RASA1: variants seen among roughly 807,000 people sequenced by gnomAD.
RASA1 encodes RAS p21 protein activator 1, also known as ras GTPase-activating protein 1.
In RASA1, 25 loss-of-function variants were observed where a neutral mutation model predicts 132.2. That is an observed-to-expected ratio of 0.19 (90% CI 0.14 to 0.26). The LOEUF (loss-of-function observed/expected upper bound fraction) is 0.26, where lower values mean the gene tolerates loss of function less well. Ranked by LOEUF, RASA1 falls within the 10% of genes least tolerant of loss-of-function variation. The pLI is 1.00. For synonymous variants in RASA1, 477 were observed against 449.9 expected, an observed-to-expected ratio of 1.06 and a Z score of -0.76; for missense variants, 964 against 1,299.2, an observed-to-expected ratio of 0.74 and a Z score of 3.97.
chr5:87,338,926 A>G (rs370095868), intron 5 of RASA1, among the ~76,000 whole-genome samples: 12 of 152,090 alleles, frequency 7.9e-5, no homozygotes, highest in Middle Eastern at 3.2e-3. Context: ...CATGGTATCA[A>G]TTACCAGGTG....
Position 87,362,534 on chromosome 5 carries a change from T to G in RASA1, c.1333-17T>G. ...TCAAGAATGTATGAAATAATTTTAA[T>G]GTTTTTTAAAATTCAGGATCAAGAA... On this transcript the variant is annotated splice_polypyrimidine_tract_variant and intron_variant, in intron 9 of 24. Transcript: ENST00000274376. 1 of 1,578,470 alleles carries G rather than the reference T, an allele frequency of 6.3e-7. No individual in the cohort carries two copies. The highest frequency in any genetic ancestry group is 1.1e-5 in the South Asian group (1 of 90,080).
chr5:87,323,756 T>C (rs999535571), intron 1 of RASA1, among the ~76,000 whole-genome samples: 7 of 152,184 alleles, frequency 4.6e-5, no homozygotes, highest in African/African-American at 1.4e-4. Flanking sequence ...CTGCCTGTTA[T>C]ATTTTTCTCA....
chr5:87,287,716 TAGATATACCATTATGTACAC>T, intron 1 of RASA1, among the ~76,000 whole-genome samples: 1 of 61,720 alleles, frequency 1.6e-5, no homozygotes, highest in African/African-American at 6.7e-5. Context: ...GTACACGCCA[TAGATATACCATTATGTACAC>T]GCCATAGATA....
intron 1 of RASA1, among the ~76,000 whole-genome samples, chr5:87,287,131 A>G (rs993481185): frequency 1.5e-4 from 22 of 143,400 alleles, no homozygotes; most frequent in African/African-American, 2.6e-4. Context: ...TATACACACC[A>G]TATATATATA....
chr5:87,295,434 T>C (rs1755076088), intron 1 of RASA1, among the ~76,000 whole-genome samples: 1 of 151,650 alleles, frequency 6.6e-6, no homozygotes, highest in South Asian at 2.1e-4. Context: ...TTCTGTCTTT[T>C]GTGATTTAAT....
At chr5:87,328,557 G>A (rs78886482) in intron 1 of RASA1, among the ~76,000 whole-genome samples, 3,608 of 152,178 alleles carry the variant, frequency 0.024, 156 homozygotes, top group African/African-American at 0.082. Context: ...CTTGGGAAAT[G>A]TTATATCTTT....
chr5:87,289,677 C>T (rs1754829084), intron 1 of RASA1, among the ~76,000 whole-genome samples: 1 of 152,210 alleles, frequency 6.6e-6, no homozygotes, highest in East Asian at 1.9e-4. Flanking sequence ...GTGGTGTAAT[C>T]ACTGTTCACT....
chr5:87,276,795 G>A (rs911398036), intron 1 of RASA1, among the ~76,000 whole-genome samples: 18 of 152,156 alleles, frequency 1.2e-4, no homozygotes, highest in Non-Finnish European at 2.2e-4. Flanking sequence ...GTTTCAAATT[G>A]TAGTCAAGTT....
chr5:87,386,112 T>C (rs1007311723), intron 22 of RASA1, among the ~76,000 whole-genome samples: 2 of 152,094 alleles, frequency 1.3e-5, no homozygotes, highest in African/African-American at 4.8e-5. Flanking sequence ...ACTATACTTT[T>C]TTCTTTTTTG....
intron 7 of RASA1, 92 bp from the exon 8 acceptor site, chr5:87,349,122 A>T (rs1489747260): frequency 1.4e-6 from 2 of 1,426,234 alleles, no homozygotes; most frequent in African/African-American, 1.4e-5. Flanking sequence ...ACATATGTTT[A>T]TGACTTTGAA....
chr5:87,389,597 G>A, intron 24 of RASA1, 70 bp downstream of exon 24: 1 of 1,566,236 alleles, frequency 6.4e-7, no homozygotes, highest in Non-Finnish European at 8.8e-7. Context: ...ATAAATAGCT[G>A]AATTCTGGTT....
At chr5:87,315,968 G>A (rs997963364) in intron 1 of RASA1, among the ~76,000 whole-genome samples, 1 of 152,088 alleles carries the variant, frequency 6.6e-6, no homozygotes, top group Non-Finnish European at 1.5e-5. Flanking sequence ...TCAGTAATTT[G>A]TAATTCAATT....
intron 20 of RASA1, 52 bp downstream of exon 20, chr5:87,380,647 G>C (rs757932550): frequency 1.4e-6 from 2 of 1,448,086 alleles, no homozygotes; most frequent in East Asian, 4.6e-5. Flanking sequence ...GTGGATAATT[G>C]TGAAAAATTG....
chr5:87,331,017 T>G (rs1213961244), intron 1 of RASA1: 1 of 1,364,628 alleles, frequency 7.3e-7, no homozygotes, highest in Non-Finnish European at 9.6e-7. Flanking sequence ...TGTCTATCTT[T>G]TATTTTTCTA....
In RASA1 at chr5:87,374,461, T is replaced by A. The variant is rs6898715; in HGVS notation, c.1934+141T>A. On this transcript the variant is annotated intron_variant, in intron 14 of 24. Transcript: ENST00000274376. ...TAATAGCATATATATATATATATAT[T>A]TTTTTTTTTTTTTTCTGTTGTTTGT... The A allele has an allele frequency of 0.22, 33,432 of 149,304 alleles. 2,726 individuals are homozygous for A. The highest frequency in any genetic ancestry group is 0.28 in the Admixed American group (3,119 of 11,136). The allele number at this position is 149,304 out of a possible 1,614,324, so 9.2% of individuals were successfully genotyped here. A position where few individuals can be genotyped will look rare whatever the true frequency, so the allele number is the denominator to read the frequency against.
chr5:87,300,410 A>G (rs1434375247), intron 1 of RASA1, among the ~76,000 whole-genome samples: 6 of 151,938 alleles, frequency 3.9e-5, no homozygotes, highest in African/African-American at 1.5e-4. Flanking sequence ...TCTGCGTGTA[A>G]TCCTAGCTAC....
At chr5:87,311,102 G>A (rs762850306) in intron 1 of RASA1, among the ~76,000 whole-genome samples, 5 of 152,162 alleles carry the variant, frequency 3.3e-5, no homozygotes, top group Non-Finnish European at 7.4e-5. Context: ...AGAAAAAATA[G>A]TTATGCGATT....
chr5:87,360,206 A>C (rs185924597), intron 9 of RASA1, among the ~76,000 whole-genome samples: 283 of 148,838 alleles, frequency 1.9e-3, no homozygotes, highest in Non-Finnish European at 2.4e-3. Context: ...AGCTCACTGC[A>C]ACCTCCGCCT....
intron 11 of RASA1, among the ~76,000 whole-genome samples, chr5:87,369,320 C>CTAGA (rs1760756465): frequency 6.6e-6 from 1 of 152,100 alleles, no homozygotes; most frequent in South Asian, 2.1e-4. Flanking sequence ...CACTTAAACT[C>CTAGA]TAGAACAAGC....
Sources: allele counts gnomAD v4.1 joint callset (sites outside exome capture counted in the v4.1 genomes callset), GRCh38; gene constraint gnomAD v4.1.1; transcripts MANE v1.5; gene names NCBI Gene and HGNC (gene_info 2026-07-23, HGNC 2026-07-21).